TMEFF1: variants seen among roughly 807,000 people sequenced by gnomAD.
TMEFF1 encodes the protein tomoregulin-1.
Under a neutral mutation model 47.5 loss-of-function variants are expected in TMEFF1, and 20 were observed. The observed-to-expected ratio is 0.42, with a 90% confidence interval of 0.30 to 0.61. The LOEUF (loss-of-function observed/expected upper bound fraction) is 0.61. TMEFF1 is among the 20% of genes least tolerant of loss of function. The pLI, the probability that TMEFF1 is intolerant of heterozygous loss-of-function variation, is 0.19. For synonymous variants in TMEFF1, 162 were observed against 166.3 expected (o/e 0.97, Z 0.20); for missense variants, 411 against 471.1 (o/e 0.87, Z 1.18).
At chr9:100,476,919 A>G (rs1837243520) in intron 1 of TMEFF1, among the ~76,000 whole-genome samples, 1 of 148,618 alleles carries the variant, frequency 6.7e-6, no homozygotes. Flanking sequence ...GATGGTCTCG[A>G]TCTCCTGACC....
intron 8 of TMEFF1, among the ~76,000 whole-genome samples, chr9:100,570,418 T>C (rs1839211237): frequency 6.6e-6 from 1 of 152,174 alleles, no homozygotes; most frequent in African/African-American, 2.4e-5. Flanking sequence ...GTTTTAGCTC[T>C]TACGTTTAGA....
At chr9:100,553,756 A>G (rs1321170118) in intron 7 of TMEFF1, among the ~76,000 whole-genome samples, 2 of 152,214 alleles carry the variant, frequency 1.3e-5, no homozygotes, top group Non-Finnish European at 2.9e-5. Context: ...AACCTCATAT[A>G]TCCAGTACCC....
In TMEFF1 at chr9:100,561,450, G is replaced by A; in HGVS notation, c.829G>A (p.Glu277Lys). Residue 277 changes from glutamate (E) to lysine (K), a missense_variant, in exon 8 of 10, where the codon GAA becomes AAA. By Grantham distance (56) the Glu-to-Lys change is moderately conservative (BLOSUM62 1). Transcript: ENST00000374879. ...VYIGNHMPCP[E>K]NLNGYCIHGK... ...TATTGGAAACCACATGCCTTGCCCT[G>A]AAAACCTCAATGGTTACTGCATCCA... is the stretch of plus-strand genomic sequence containing the variant. 1 of 1,613,822 alleles carries A rather than the reference G, an allele frequency of 6.2e-7. No homozygotes were observed. Among genetic ancestry groups the A allele is most frequent in the South Asian group, 1.1e-5 (1 of 91,054 alleles).
At chr9:100,479,523 A>T (rs1837300434) in intron 1 of TMEFF1, among the ~76,000 whole-genome samples, 1 of 152,188 alleles carries the variant, frequency 6.6e-6, no homozygotes, top group African/African-American at 2.4e-5. Context: ...ATTAACAGTC[A>T]TTCCACATTC....
intron 1 of TMEFF1, among the ~76,000 whole-genome samples, chr9:100,498,389 G>C (rs532487481): frequency 6.6e-6 from 1 of 151,912 alleles, no homozygotes; most frequent in Non-Finnish European, 1.5e-5. Flanking sequence ...ATTCTCATTA[G>C]CCTTAAAAGT....
chr9:100,473,366 GCGCCGCGGGCCCGGGCCTGGCGGA>G lies in TMEFF1; in HGVS notation c.-175_-152del. The G allele has an allele frequency of 5.6e-6, 2 of 355,170 alleles. No individual in the cohort carries two copies. Among genetic ancestry groups the G allele is most frequent in the Non-Finnish European group, 9.1e-6 (2 of 219,988 alleles). The allele number at this position is 355,170 out of a possible 1,614,324, so 22.0% of individuals were successfully genotyped here. A position where few individuals can be genotyped will look rare whatever the true frequency, so the allele number is the denominator to read the frequency against. On this transcript the variant is annotated 5_prime_UTR_variant, in exon 1 of 10. Transcript: ENST00000374879. The surrounding 1 kb of genome is among the most constrained non-coding windows in gnomAD (Gnocchi z 5.4). ...CCCGGACCCGCCGACTCCGTCCCGA[GCGCCGCGGGCCCGGGCCTGGCGGA>G]CGCTGCGGGTGGGGCGGGGATGCTG...
At chr9:100,494,206 C>CAAAA (rs543991655) in intron 1 of TMEFF1, among the ~76,000 whole-genome samples, 62 of 53,934 alleles carry the variant, frequency 1.1e-3, no homozygotes, top group Non-Finnish European at 1.6e-3. Flanking sequence ...GACCTTGTCT[C>CAAAA]AAAAAAAAAA....
At chr9:100,510,736 A>G (rs1225046111) in intron 3 of TMEFF1, among the ~76,000 whole-genome samples, 2 of 152,082 alleles carry the variant, frequency 1.3e-5, no homozygotes, top group African/African-American at 4.8e-5. Context: ...TGGCCTCTCA[A>G]AGTGCTGGGA....
chr9:100,491,626 GA>G (rs1316464832), intron 1 of TMEFF1, among the ~76,000 whole-genome samples: 9 of 152,184 alleles, frequency 5.9e-5, no homozygotes, highest in Non-Finnish European at 1.3e-4. Context: ...GTGTGAATGT[GA>G]ATACTGCCAG....
At chr9:100,550,211 C>G in intron 7 of TMEFF1, 51 bp downstream of exon 7, 1 of 1,570,192 alleles carries the variant, frequency 6.4e-7, no homozygotes, top group Non-Finnish European at 8.7e-7. Flanking sequence ...AATACGGTCA[C>G]TAGCTGTCCT....
chr9:100,547,867 T>C lies in TMEFF1; in HGVS notation c.684T>C (p.Asp228=). The C allele has an allele frequency of 1.2e-6, 2 of 1,604,966 alleles. No individual in the cohort carries two copies. The highest frequency in any genetic ancestry group is 2.2e-5 in the South Asian group (2 of 89,226). Residue 228 remains aspartate (D), a synonymous_variant, in exon 6 of 10, where the codon GAT becomes GAC. Coordinates refer to ENST00000374879, the MANE Select transcript of TMEFF1 (RefSeq NM_003692.5). ...CTTGTATAAAGCAAGAACAAATTGA[T>C]ATAAGGCATCTTGGTCATTGCACAG... is the stretch of plus-strand genomic sequence containing the variant. ...EASCIKQEQI[D]IRHLGHCTDT...
At position 100,576,985 on chromosome 9, in the gene TMEFF1, CA is replaced by C; in HGVS notation, c.*393del. 1.9e-5 allele frequency: 3 copies of C among 157,490 alleles called. No individual in the cohort carries two copies. Among genetic ancestry groups the C allele is most frequent in the Non-Finnish European group, 4.2e-5 (3 of 71,256 alleles). 9.8% of individuals were successfully genotyped at this position (157,490 alleles called of 1,614,324 possible). A position where few individuals can be genotyped will look rare whatever the true frequency, so the allele number is the denominator to read the frequency against. Reference sequence around the variant, plus strand: ...AGATGTTTACAGATTACTTTTCTTACAAAAAAAATCTAGAAGACACTGTGTT... The same window carrying C: ...AGATGTTTACAGATTACTTTTCTTACAAAAAAATCTAGAAGACACTGTGTT... On this transcript the variant is annotated 3_prime_UTR_variant, in exon 10 of 10. Coordinates refer to ENST00000374879, the MANE Select transcript of TMEFF1 (RefSeq NM_003692.5).
rs553566558 is a variant in TMEFF1 at position 100,522,485 on chromosome 9, C to T, written c.560+5714C>T. ...CGGAGTTTTGCTCTGTCGCCCAGGC[C>T]GGAGTGGAGTGGCACAATCTTGGCT... On this transcript the variant is annotated intron_variant, in intron 5 of 9. Transcript: ENST00000374879. Among the ~76,000 whole-genome samples the T allele has an allele frequency of 1.8e-3, 249 of 137,106 alleles. 1 individual carries two copies. The highest frequency in any genetic ancestry group is 6.8e-3 in the East Asian group (33 of 4,854). The allele number at this position is 137,106 out of a possible 152,430, so 89.9% of individuals were successfully genotyped here.
chr9:100,499,248 T>C (rs942487678), intron 2 of TMEFF1, among the ~76,000 whole-genome samples: 21 of 152,184 alleles, frequency 1.4e-4, no homozygotes, highest in Admixed American at 1.1e-3. Flanking sequence ...TCCATTCTTA[T>C]TTGTTGCTGT....
intron 6 of TMEFF1, among the ~76,000 whole-genome samples, chr9:100,548,869 T>A (rs1838784271): frequency 6.6e-6 from 1 of 152,154 alleles, no homozygotes; most frequent in African/African-American, 2.4e-5. Flanking sequence ...GGACACCATT[T>A]ACTGACAGGG....
chr9:100,565,311 A>G (rs1011597108), intron 8 of TMEFF1, among the ~76,000 whole-genome samples: 6 of 152,086 alleles, frequency 3.9e-5, no homozygotes, highest in African/African-American at 1.4e-4. Flanking sequence ...TCGTTAGTGT[A>G]AATTCCATGG....
chr9:100,565,623 G>A (rs1425002020), intron 8 of TMEFF1, among the ~76,000 whole-genome samples: 2 of 151,980 alleles, frequency 1.3e-5, no homozygotes, highest in Non-Finnish European at 2.9e-5. Flanking sequence ...CCTCAGATTA[G>A]CAGTACCTCC....
intron 1 of TMEFF1, among the ~76,000 whole-genome samples, chr9:100,497,318 G>GTTTTTTTTTT (rs1328828062): frequency 3.5e-5 from 3 of 84,878 alleles, no homozygotes; most frequent in South Asian, 4.9e-4. Context: ...TTCCACTCAT[G>GTTTTTTTTTT]TCTTTTTTTT....
chr9:100,548,613 T>C (rs2118512109), intron 6 of TMEFF1, among the ~76,000 whole-genome samples: 1 of 152,348 alleles, frequency 6.6e-6, no homozygotes, highest in African/African-American at 2.4e-5. Flanking sequence ...GGACTAGGAT[T>C]GTATATCTTT....
Sources: gnomAD v4.1 joint callset for allele counts (sites outside exome capture counted in the v4.1 genomes callset) on GRCh38, gnomAD v4.1.1 for gene constraint, Gnocchi (gnomAD v3.1) non-coding constraint, MANE v1.5 for transcripts, NCBI Gene and HGNC (gene_info 2026-07-23, HGNC 2026-07-21) for gene names.